Variants in MGAT5B observed in about 807,000 individuals in gnomAD.
The protein encoded by MGAT5B is N-acetylglucosaminyl-transferase Vb.
In MGAT5B, 54 loss-of-function variants were observed where a neutral mutation model predicts 95.1. The observed-to-expected ratio is 0.57, with a 90% CI of 0.46 to 0.71. The LOEUF is 0.71. Ranked by LOEUF, MGAT5B falls within the 30% of genes least tolerant of loss-of-function variation. MGAT5B has a pLI of 0.00. For missense variants in MGAT5B, 935 were observed against 1,088.6 expected, an observed-to-expected ratio of 0.86 and a Z score of 1.99; for synonymous variants, 464 against 451.0, an observed-to-expected ratio of 1.03 and a Z score of -0.36.
intron 3 of MGAT5B, among the ~76,000 whole-genome samples, chr17:76,898,745 T>C (rs1207414868): frequency 6.6e-6 from 1 of 152,170 alleles, no homozygotes; most frequent in Non-Finnish European, 1.5e-5. Flanking sequence ...CATGAGTAAG[T>C]TCTTTAGTGG....
intron 2 of MGAT5B, among the ~76,000 whole-genome samples, chr17:76,874,830 G>A (rs1053961300): frequency 6.6e-6 from 1 of 152,064 alleles, no homozygotes; most frequent in Non-Finnish European, 1.5e-5. Flanking sequence ...ATGGGGGTGG[G>A]GGTCCAACCC....
At chr17:76,893,264 G>A (rs1251712113) in intron 3 of MGAT5B, among the ~76,000 whole-genome samples, 1 of 152,108 alleles carries the variant, frequency 6.6e-6, no homozygotes, top group Admixed American at 6.6e-5. Context: ...GTTCATCTGC[G>A]TTTGGTTCCT....
Position 76,947,815 on chromosome 17 carries a change from C to A in MGAT5B, c.1924-15C>A. 3 of 1,535,680 alleles carry A rather than the reference C, an allele frequency of 2.0e-6. No individual in the cohort carries two copies. Among genetic ancestry groups the A allele is most frequent in the Non-Finnish European group, 2.6e-6 (3 of 1,138,880 alleles). On this transcript the variant is annotated splice_polypyrimidine_tract_variant and intron_variant, in intron 16 of 17. Transcript: ENST00000569840. ...GTCGCACTTCCCCACCCTGACACTG[C>A]TCTCCTCCTTGCAGGACTTCTGCAG...
intron 12 of MGAT5B, among the ~76,000 whole-genome samples, chr17:76,934,326 T>C (rs1236274483): frequency 6.6e-6 from 1 of 152,182 alleles, no homozygotes; most frequent in African/African-American, 2.4e-5. Context: ...AGGTGACCCA[T>C]AGCTAGTAAG....
intron 3 of MGAT5B, among the ~76,000 whole-genome samples, chr17:76,888,313 C>T (rs756582665): frequency 1.3e-5 from 2 of 151,880 alleles, no homozygotes; most frequent in Admixed American, 6.6e-5. Flanking sequence ...CTCCATGTCC[C>T]GTGTGGTGTG....
intron 8 of MGAT5B, among the ~76,000 whole-genome samples, chr17:76,921,530 CG>C (rs1969124242): frequency 6.6e-6 from 1 of 152,118 alleles, no homozygotes; most frequent in Admixed American, 6.5e-5. Flanking sequence ...ACTGCCCAAG[CG>C]GGTCCTGCAT....
At chr17:76,891,106 A>G (rs567764383) in intron 3 of MGAT5B, among the ~76,000 whole-genome samples, 3 of 151,824 alleles carry the variant, frequency 2.0e-5, no homozygotes, top group South Asian at 2.1e-4. Context: ...CTGGGATTAC[A>G]GGTGCACACC....
intron 3 of MGAT5B, 108 bp from the exon 4 acceptor site, chr17:76,902,447 G>A: frequency 1.4e-6 from 1 of 739,176 alleles, no homozygotes; most frequent in Non-Finnish European, 2.3e-6. Context: ...TGGGAGCCTG[G>A]GGCATTGCAG....
chr17:76,872,773 G>A (rs187408557), intron 1 of MGAT5B, 78 bp from the exon 2 acceptor site: 2 of 1,612,464 alleles, frequency 1.2e-6, no homozygotes, highest in East Asian at 4.5e-5. Context: ...TAAAACATTT[G>A]TGCAGCCGGT....
At chr17:76,882,360 C>A in intron 3 of MGAT5B, 62 bp downstream of exon 3, 2 of 1,529,770 alleles carry the variant, frequency 1.3e-6, no homozygotes, top group Non-Finnish European at 1.8e-6. Context: ...CCACTCCATC[C>A]GGGGTGCTGT....
rs537839835 is a variant in MGAT5B, at chr17:76,889,141, C to T, written c.329+6843C>T. Among the ~76,000 whole-genome samples, 21 of 152,260 alleles carry T rather than the reference C, an allele frequency of 1.4e-4. No homozygotes were observed. Among genetic ancestry groups the T allele is most frequent in the African/African-American group, 3.1e-4 (13 of 41,522 alleles). On this transcript the variant is annotated intron_variant, in intron 3 of 17. Coordinates refer to ENST00000569840, the MANE Select transcript of MGAT5B (RefSeq NM_001199172.2). The surrounding 1 kb of genome is among the most constrained non-coding windows in gnomAD (Gnocchi z 4.4). Reference sequence around the variant, plus strand: ...CCCAGGTCTCCCATGCCAGGTACACCGAGCTGTTTTGCAGATGCAGTGAGA... The same window carrying T: ...CCCAGGTCTCCCATGCCAGGTACACTGAGCTGTTTTGCAGATGCAGTGAGA...
At chr17:76,884,604 T>G (rs1457889689) in intron 3 of MGAT5B, among the ~76,000 whole-genome samples, 1 of 56,136 alleles carries the variant, frequency 1.8e-5, no homozygotes, top group African/African-American at 1.4e-4. Context: ...CCCAGCTAAT[T>G]TTTTTTTTTT....
In MGAT5B at chr17:76,925,061, TG is replaced by T; in HGVS notation, c.1122del (p.Met374IlefsTer54). On this transcript the variant is annotated frameshift_variant, in exon 9 of 18. Coordinates refer to ENST00000569840, the MANE Select transcript of MGAT5B (RefSeq NM_001199172.2). LOFTEE classifies it high-confidence loss of function. ...ACCGACTACCACGGCCTGCAGCAGA[TG>T]AAGCGGCACATGGGACTCTCCTTCA... ...IYTDYHGLQQ[M>X]KRHMGLSFKK... 6.2e-7 allele frequency: 1 copy of T among 1,611,410 alleles called. No homozygotes were observed. Among genetic ancestry groups the T allele is most frequent in the Non-Finnish European group, 8.5e-7 (1 of 1,179,304 alleles).
In MGAT5B at chr17:76,948,951, C is replaced by A; in HGVS notation, c.*113C>A. ...TGTCCTCCTCGCAACCCCCCCAGGC[C>A]GGAGCTTCCTTCCTTAGCCGGGAAG... On this transcript the variant is annotated 3_prime_UTR_variant, in exon 18 of 18. Coordinates refer to ENST00000569840, the MANE Select transcript of MGAT5B (RefSeq NM_001199172.2). The A allele has an allele frequency of 8.3e-7, 1 of 1,203,250 alleles. No individual in the cohort carries two copies. Among genetic ancestry groups the A allele is most frequent in the Non-Finnish European group, 1.1e-6 (1 of 878,332 alleles). The allele number at this position is 1,203,250 out of a possible 1,614,324, so 74.5% of individuals were successfully genotyped here. A position where few individuals can be genotyped will look rare whatever the true frequency, so the allele number is the denominator to read the frequency against.
rs1360903520 is a variant in MGAT5B at position 76,906,360 on chromosome 17, C to T, written c.1025+173C>T. Among the ~76,000 whole-genome samples, 1 of 152,184 alleles carries T rather than the reference C, an allele frequency of 6.6e-6. No individual in the cohort carries two copies. ...GCAGGACATCACCACTCCTAATCCC[C>T]CTCCTCCTGCCCGGTCTTGGGGGAT... On this transcript the variant is annotated intron_variant, in intron 8 of 17. Coordinates refer to ENST00000569840, the MANE Select transcript of MGAT5B (RefSeq NM_001199172.2). This position sits in a 1 kb window ranked among gnomAD's most constrained non-coding sequence, Gnocchi z 4.6.
intron 12 of MGAT5B, among the ~76,000 whole-genome samples, chr17:76,935,161 G>A (rs1321104529): frequency 6.6e-6 from 1 of 152,182 alleles, no homozygotes; most frequent in Non-Finnish European, 1.5e-5. Context: ...AAAGGCAGCT[G>A]GTTCAGGCCC....
rs1202242559 is a variant in MGAT5B at position 76,948,038 on chromosome 17, G to C, written c.2132G>C (p.Cys711Ser). ...TDTCLDHGLI[C>S]EPSFFPFLNS... ...ACCTGCCTGGACCACGGGCTAATCT[G>C]TGAGCCCTCCTTCTTCCCCTTCCTG... Residue 711 changes from cysteine to serine, a missense_variant, in exon 17 of 18, where the codon TGT (cysteine) becomes TCT (serine). Cys to Ser is a moderately radical substitution (Grantham distance 112). Transcript: ENST00000569840. 1 of 1,612,768 alleles carries C rather than the reference G, an allele frequency of 6.2e-7. No homozygotes were observed. Among genetic ancestry groups the C allele is most frequent in the East Asian group, 2.2e-5 (1 of 44,842 alleles).
intron 1 of MGAT5B, 104 bp from the exon 2 acceptor site, chr17:76,872,747 C>T (rs1967052585): frequency 1.3e-6 from 2 of 1,597,470 alleles, no homozygotes; most frequent in Non-Finnish European, 1.7e-6. Context: ...GCTTCCTTCA[C>T]TCATGCACTC....
At position 76,941,850 on chromosome 17, in the gene MGAT5B, G is replaced by A. The variant is rs1288946314; in HGVS notation, c.1848+1002G>A. 5.3e-5 allele frequency among the ~76,000 whole-genome samples: 8 copies of A among 152,350 alleles called. 2 individuals carry two copies. The highest frequency in any genetic ancestry group is 3.9e-4 in the Admixed American group (6 of 15,312). On this transcript the variant is annotated intron_variant, in intron 15 of 17. Transcript: ENST00000569840. ...GGTGGCACCTGGAGCTCATCACCAC[G>A]GGGGCCTCTGCAAGATGGGGTAGGT...
Sources: allele counts gnomAD v4.1 joint callset (sites outside exome capture counted in the v4.1 genomes callset), GRCh38; gene constraint gnomAD v4.1.1; non-coding constraint Gnocchi (gnomAD v3.1); transcripts MANE v1.5; gene names NCBI Gene and HGNC (gene_info 2026-07-23, HGNC 2026-07-21).